Variants in TENM3 observed in about 807,000 individuals in gnomAD.
TENM3 encodes the protein teneurin transmembrane protein 3, also known as teneurin-3.
Under a neutral mutation model 255.1 loss-of-function variants are expected in TENM3, and 63 were observed. The ratio of observed to expected loss-of-function variants is 0.25; its 90% confidence interval spans 0.20 to 0.30. TENM3 has a LOEUF of 0.30. Among genes scored for constraint, TENM3 ranks in the 10% least tolerant of loss-of-function variants. TENM3 has a pLI of 1.00. For missense variants in TENM3, 2,929 were observed against 3,461.1 expected, an observed-to-expected ratio of 0.85 and a Z score of 3.86; for synonymous variants, 1,306 against 1,322.3, an observed-to-expected ratio of 0.99 and a Z score of 0.27.
chr4:182,055,404 C>T, the TENM3 span, among the ~76,000 whole-genome samples: 2 of 150,738 alleles, frequency 1.3e-5, no homozygotes, highest in African/African-American at 5.0e-5. Flanking sequence ...TACATGTTCC[C>T]CTCTTGTGAT....
At chr4:181,658,024 A>G in the TENM3 span, among the ~76,000 whole-genome samples, 1 of 152,230 alleles carries the variant, frequency 6.6e-6, no homozygotes, top group African/African-American at 2.4e-5. Context: ...AAGGCTAAAA[A>G]ACTACCTATA....
chr4:182,100,821 A>T, the TENM3 span, among the ~76,000 whole-genome samples: 4 of 6,520 alleles, frequency 6.1e-4, no homozygotes, highest in African/African-American at 1.6e-3. Flanking sequence ...ATATATATAC[A>T]CATATATATA....
chr4:181,544,786 T>C, the TENM3 span, among the ~76,000 whole-genome samples: 506 of 152,234 alleles, frequency 3.3e-3, 4 homozygotes, highest in African/African-American at 0.012. Flanking sequence ...CCACATGTAG[T>C]CCATGAGAAA....
chr4:181,915,002 T>A, the TENM3 span, among the ~76,000 whole-genome samples: 2 of 152,182 alleles, frequency 1.3e-5, no homozygotes, highest in African/African-American at 2.4e-5. Flanking sequence ...TTGGTTTTAG[T>A]CACGGAAGTC....
the TENM3 span, among the ~76,000 whole-genome samples, chr4:181,509,204 C>T: frequency 3.9e-5 from 6 of 152,016 alleles, no homozygotes; most frequent in African/African-American, 1.5e-4. Context: ...CTGTAGGCAA[C>T]ACTTCTTTAT....
At chr4:182,426,879 T>G (rs964061691) in intron 3 of TENM3, among the ~76,000 whole-genome samples, 1 of 152,196 alleles carries the variant, frequency 6.6e-6, no homozygotes, top group Non-Finnish European at 1.5e-5. Flanking sequence ...ACCCCTGTGT[T>G]CATTATCTGT....
chr4:181,928,472 G>T, the TENM3 span, among the ~76,000 whole-genome samples: 1 of 151,896 alleles, frequency 6.6e-6, no homozygotes, highest in Non-Finnish European at 1.5e-5. Context: ...AGGAAGACAA[G>T]ATTGGAGAAA....
At chr4:181,625,670 CG>C in the TENM3 span, among the ~76,000 whole-genome samples, 1 of 151,862 alleles carries the variant, frequency 6.6e-6, no homozygotes, top group Admixed American at 6.6e-5. Flanking sequence ...AAAAATTAGC[CG>C]GGTGTGGCGG....
At chr4:182,779,970 A>G (rs1478186759) in intron 24 of TENM3, among the ~76,000 whole-genome samples, 7 of 150,678 alleles carry the variant, frequency 4.6e-5, no homozygotes, top group African/African-American at 1.5e-4. Flanking sequence ...TTGTCAGATG[A>G]GTAGGTTGCG....
At position 182,793,978 on chromosome 4, in the gene TENM3, T is replaced by C; in HGVS notation, c.7213+93T>C. On this transcript the variant is annotated intron_variant, in intron 26 of 27. Coordinates refer to ENST00000511685, the MANE Select transcript of TENM3 (RefSeq NM_001080477.4). This position sits in a 1 kb window ranked among gnomAD's most constrained non-coding sequence, Gnocchi z 5.7. ...GGAAATGCTTTTTTAAAAAACTTTA[T>C]ACTTTACTCAGGCAAAGGCAAATGG... The C allele has an allele frequency of 8.3e-7, 1 of 1,208,594 alleles. No individual in the cohort carries two copies. Among genetic ancestry groups the C allele is most frequent in the Non-Finnish European group, 1.1e-6 (1 of 879,980 alleles). The allele number at this position is 1,208,594 out of a possible 1,614,324, so 74.9% of individuals were successfully genotyped here.
At chr4:181,908,931 T>A in the TENM3 span, among the ~76,000 whole-genome samples, 1 of 152,170 alleles carries the variant, frequency 6.6e-6, no homozygotes, top group Non-Finnish European at 1.5e-5. Context: ...GAGGTTTTTA[T>A]TAGTACTCCC....
the TENM3 span, among the ~76,000 whole-genome samples, chr4:181,823,656 G>A: frequency 2.6e-5 from 4 of 152,008 alleles, no homozygotes; most frequent in Non-Finnish European, 5.9e-5. Flanking sequence ...GCAATGATGG[G>A]GGTAAAAACC....
At chr4:182,343,096 T>A (rs1315100031) in intron 2 of TENM3, among the ~76,000 whole-genome samples, 1 of 152,184 alleles carries the variant, frequency 6.6e-6, no homozygotes, top group African/African-American at 2.4e-5. Context: ...CTAAAAAAAA[T>A]GATGCAGCCC....
intron 19 of TENM3, among the ~76,000 whole-genome samples, chr4:182,749,442 CT>C (rs1205237885): frequency 6.6e-6 from 1 of 152,078 alleles, no homozygotes; most frequent in Non-Finnish European, 1.5e-5. Flanking sequence ...TATTCCTGCA[CT>C]TTCTAAGGTT....
the TENM3 span, among the ~76,000 whole-genome samples, chr4:181,854,858 C>T: frequency 6.6e-6 from 1 of 152,164 alleles, no homozygotes; most frequent in African/African-American, 2.4e-5. Context: ...CAAAAGGCCG[C>T]CTTCTCAGAT....
the TENM3 span, among the ~76,000 whole-genome samples, chr4:181,953,216 TG>T: frequency 6.6e-5 from 10 of 151,976 alleles, no homozygotes; most frequent in African/African-American, 1.2e-4. Flanking sequence ...ATGAAGTGGA[TG>T]CTCTTATTAT....
the TENM3 span, among the ~76,000 whole-genome samples, chr4:182,036,302 T>C: frequency 4.6e-5 from 7 of 152,188 alleles, no homozygotes; most frequent in Non-Finnish European, 7.3e-5. Context: ...GTGATTCTCC[T>C]GCCTCAGCCT....
chr4:182,551,117 G>C (rs59296717), intron 3 of TENM3, among the ~76,000 whole-genome samples: 1 of 151,512 alleles, frequency 6.6e-6, no homozygotes, highest in African/African-American at 2.4e-5. Flanking sequence ...AGCTACTCAG[G>C]AGACTGAGGC....
chr4:181,786,219 C>T, the TENM3 span, among the ~76,000 whole-genome samples: 1 of 152,216 alleles, frequency 6.6e-6, no homozygotes, highest in Admixed American at 6.5e-5. Flanking sequence ...ACTCTTTGTA[C>T]CGTTATGTGG....
Sources: gnomAD v4.1 joint callset for allele counts (sites outside exome capture counted in the v4.1 genomes callset) on GRCh38, gnomAD v4.1.1 for gene constraint, Gnocchi (gnomAD v3.1) non-coding constraint, MANE v1.5 for transcripts, NCBI Gene and HGNC (gene_info 2026-07-23, HGNC 2026-07-21) for gene names.